The following C2 variants were observed in gnomAD, a reference collection of about 807,000 sequenced individuals.
The protein encoded by C2 is complement C2, also known as C3/C5 convertase.
In C2, 64 loss-of-function variants were observed where a neutral mutation model predicts 85.2. That is an observed-to-expected ratio of 0.75 (90% CI 0.61 to 0.92). The LOEUF (loss-of-function observed/expected upper bound fraction) is 0.92. C2 is among the 40% of genes least tolerant of loss of function. The probability of loss-of-function intolerance (pLI) is 0.00; values close to 1 mark genes in which losing one functional copy is unlikely to be tolerated. For synonymous variants in C2, 311 were observed against 370.8 expected (o/e 0.84, Z 1.85); for missense variants, 820 against 971.6 (o/e 0.84, Z 2.07).
intron 6 of C2, chr6:31,934,754 A>C (rs1227342990): frequency 1.0e-6 from 1 of 1,001,402 alleles, no homozygotes; most frequent in Non-Finnish European, 1.2e-6. Flanking sequence ...TAGTGCCTGT[A>C]ATCCCAACAC....
upstream of C2, chr6:31,899,808 A>T (rs1235336130): frequency 1.9e-6 from 2 of 1,067,400 alleles, no homozygotes; most frequent in Non-Finnish European, 2.7e-6. Context: ...GCATCTGCTC[A>T]GCCTCCCACT....
intron 9 of C2, among the ~76,000 whole-genome samples, chr6:31,942,685 G>A (rs759855552): frequency 6.6e-6 from 1 of 152,194 alleles, no homozygotes; most frequent in Non-Finnish European, 1.5e-5. Flanking sequence ...GTCTGGGGGG[G>A]AGGAGTGAAC....
upstream of C2, among the ~76,000 whole-genome samples, chr6:31,918,019 T>A (rs1554275319): frequency 6.6e-6 from 1 of 152,182 alleles, no homozygotes. Context: ...AAATTTTTAA[T>A]GAATTCCCAG....
intron 3 of C2, among the ~76,000 whole-genome samples, chr6:31,929,213 T>A (rs1769521956): frequency 6.6e-6 from 1 of 152,168 alleles, no homozygotes; most frequent in Non-Finnish European, 1.5e-5. Flanking sequence ...CCACAGATTG[T>A]TGTAGGGAAG....
At chr6:31,937,488 G>A (rs1296969196) in intron 8 of C2, 29 bp downstream of exon 8, 1 of 1,612,294 alleles carries the variant, frequency 6.2e-7, no homozygotes, top group East Asian at 2.2e-5. Context: ...GAGTGTGTCT[G>A]GAATAGTGGA....
chr6:31,941,563 G>A (rs9332741), intron 9 of C2: 5,171 of 152,316 alleles, frequency 0.034, 109 homozygotes, highest in South Asian at 0.056. Context: ...GTGCAGTGGC[G>A]GGATCCCGGC....
intron 3 of C2, among the ~76,000 whole-genome samples, chr6:31,931,883 G>A (rs1426425029): frequency 2.0e-5 from 3 of 149,342 alleles, no homozygotes; most frequent in South Asian, 4.3e-4. Flanking sequence ...GCGGCTGGCC[G>A]GGCGGGGGGC....
Position 31,935,127 on chromosome 6 carries a change from C to T in C2, c.850-796C>T, listed in dbSNP as rs1391732948. 1.1e-5 allele frequency: 10 copies of T among 950,296 alleles called. No individual in the cohort carries two copies. Among genetic ancestry groups the T allele is most frequent in the Non-Finnish European group, 1.3e-5 (10 of 797,924 alleles). 58.9% of individuals were successfully genotyped at this position (950,296 alleles called of 1,614,324 possible). ...TGTAATTGTGCTTTTCACAATACTT[C>T]ATGTAACATTATAGATGGTTTTCCC... On this transcript the variant is annotated intron_variant, in intron 6 of 17. Transcript: ENST00000299367. The surrounding 1 kb of genome is among the most constrained non-coding windows in gnomAD (Gnocchi z 4.3).
upstream of C2, among the ~76,000 whole-genome samples, chr6:31,919,581 G>GT (rs1313501407): frequency 4.6e-5 from 7 of 152,150 alleles, no homozygotes; most frequent in Admixed American, 2.6e-4. Flanking sequence ...CTCCTATCCA[G>GT]TTTTTTGTAA....
chr6:31,900,364 C>T, upstream of C2: 2 of 1,578,926 alleles, frequency 1.3e-6, no homozygotes, highest in Non-Finnish European at 8.6e-7. The surrounding 1 kb of genome is among the most constrained non-coding windows in gnomAD (Gnocchi z 9.7). Context: ...CCCGGCTGCC[C>T]CCCGCCCCCA....
upstream of C2, among the ~76,000 whole-genome samples, chr6:31,918,759 G>GTACC (rs1768739081): frequency 6.6e-6 from 1 of 151,596 alleles, no homozygotes; most frequent in Non-Finnish European, 1.5e-5. Context: ...AATTAGCTGG[G>GTACC]TGTAGTGGCG....
chr6:31,899,681 C>A, upstream of C2: 1 of 520,802 alleles, frequency 1.9e-6, no homozygotes. Context: ...AGAAGGAAAT[C>A]TTTCTCTGGG....
chr6:31,918,092 T>C (rs1768681538), upstream of C2, among the ~76,000 whole-genome samples: 1 of 151,964 alleles, frequency 6.6e-6, no homozygotes, highest in Admixed American at 6.6e-5. Flanking sequence ...CTGGAAAACA[T>C]AGCAAGACCT....
chr6:31,912,214 C>G (rs1028343450), intron 1 of C2, among the ~76,000 whole-genome samples: 8 of 152,220 alleles, frequency 5.3e-5, no homozygotes, highest in African/African-American at 1.9e-4. Flanking sequence ...CCTGCTAATG[C>G]TAAACTATTT....
At chr6:31,933,354 C>T (rs1770084966) in intron 3 of C2, among the ~76,000 whole-genome samples, 1 of 152,216 alleles carries the variant, frequency 6.6e-6, no homozygotes, top group Admixed American at 6.5e-5. Flanking sequence ...CTTGGAATTA[C>T]CTGTTGTTTC....
chr6:31,917,618 A>T (rs1045942075), upstream of C2, among the ~76,000 whole-genome samples: 47 of 152,130 alleles, frequency 3.1e-4, no homozygotes, highest in Non-Finnish European at 6.2e-4. Context: ...TAAAAAAAGA[A>T]AAAAAGGCCA....
intron 3 of C2, among the ~76,000 whole-genome samples, chr6:31,929,606 C>CTATTCAG (rs1253214043): frequency 1.3e-5 from 2 of 150,264 alleles, no homozygotes; most frequent in Non-Finnish European, 2.9e-5. Context: ...GTAATACCAG[C>CTATTCAG]TATTCAGGAG....
Position 31,937,478 on chromosome 6 carries a change from G to T in C2, c.1129+19G>T. On this transcript the variant is annotated intron_variant, in intron 8 of 17. Transcript: ENST00000299367. The stretch of plus-strand genomic sequence containing the variant: ...ACAGATGGTGGGTATCATGGTCTCT[G>T]AGTGTGTCTGGAATAGTGGAAGGGG... 1.2e-6 allele frequency: 2 copies of T among 1,612,668 alleles called. No individual in the cohort carries two copies. The highest frequency in any genetic ancestry group is 2.2e-5 in the South Asian group (2 of 91,048).
At chr6:31,931,947 C>A (rs1769814504) in intron 3 of C2, among the ~76,000 whole-genome samples, 1 of 128,584 alleles carries the variant, frequency 7.8e-6, no homozygotes, top group Non-Finnish European at 1.7e-5. Flanking sequence ...GGGGGCTGAT[C>A]CCCCCACCTC....
Sources: gnomAD v4.1 joint callset for allele counts (sites outside exome capture counted in the v4.1 genomes callset) on GRCh38, gnomAD v4.1.1 for gene constraint, Gnocchi (gnomAD v3.1) non-coding constraint, MANE v1.5 for transcripts, NCBI Gene and HGNC (gene_info 2026-07-23, HGNC 2026-07-21) for gene names.